The following DNAH11 variants were observed in gnomAD, a reference collection of about 807,000 sequenced individuals.
DNAH11 encodes the protein axonemal beta dynein heavy chain 11.
Under a neutral mutation model 526.0 loss-of-function variants are expected in DNAH11, and 442 were observed. The observed-to-expected ratio is 0.84, with a 90% CI of 0.78 to 0.91. The LOEUF is 0.91. Ranked by LOEUF, DNAH11 falls within the 40% of genes least tolerant of loss-of-function variation. The pLI is 0.00. For synonymous variants in DNAH11, 2,461 were observed against 1,935.9 expected (o/e 1.27, Z -7.12); for missense variants, 6,989 against 5,448.7 (o/e 1.28, Z -8.90).
chr7:21,872,179 T>C (rs1439866989), intron 73 of DNAH11, among the ~76,000 whole-genome samples: 5 of 142,314 alleles, frequency 3.5e-5, no homozygotes, highest in African/African-American at 1.3e-4. Context: ...TAGCTTCAAT[T>C]ATCTCCTTAA....
At chr7:21,827,550 A>G (rs1488608123) in intron 65 of DNAH11, among the ~76,000 whole-genome samples, 1 of 151,828 alleles carries the variant, frequency 6.6e-6, no homozygotes, top group Non-Finnish European at 1.5e-5. Context: ...TTCATTCTGT[A>G]TTTTTCATAC....
intron 69 of DNAH11, among the ~76,000 whole-genome samples, chr7:21,864,258 C>T (rs565382340): frequency 7.2e-5 from 11 of 152,156 alleles, no homozygotes; most frequent in South Asian, 6.2e-4. Context: ...ACACTTAATA[C>T]GAATGCATAT....
At position 21,766,069 on chromosome 7, in the gene DNAH11, A is replaced by G. The variant is rs916009781; in HGVS notation, c.9102+480A>G. On this transcript the variant is annotated intron_variant, in intron 55 of 81. Coordinates refer to ENST00000409508, the MANE Select transcript of DNAH11 (RefSeq NM_001277115.2). ...CAATAGTTGAAAAATCAGCCCCTGT[A>G]TCCCATAACCACTAAGTCAAATAAT... is the stretch of plus-strand genomic sequence containing the variant. Among the ~76,000 whole-genome samples the G allele has an allele frequency of 2.0e-5, 3 of 152,334 alleles. No homozygotes were observed. In the South Asian group the frequency reaches 6.2e-4, roughly 32 times the overall value.
rs1215298321 is a variant in DNAH11, at chr7:21,898,065, A to C, written c.13050-1271A>C. Among the ~76,000 whole-genome samples, 3 of 152,036 alleles carry C rather than the reference A, an allele frequency of 2.0e-5. No individual in the cohort carries two copies. In the East Asian group the frequency reaches 5.8e-4, roughly 29 times the overall value. ...TTCTTATTTGGGGTCTTCAAACTTA[A>C]TTTCCTTACTATTTCCTACCTGATC... On this transcript the variant is annotated intron_variant, in intron 79 of 81. Coordinates refer to ENST00000409508, the MANE Select transcript of DNAH11 (RefSeq NM_001277115.2).
chr7:21,567,178 G>A (rs1783705534), intron 6 of DNAH11, among the ~76,000 whole-genome samples: 1 of 152,050 alleles, frequency 6.6e-6, no homozygotes, highest in African/African-American at 2.4e-5. Context: ...TCAACTTGGA[G>A]CATTGCCATC....
chr7:21,876,868 C>T (rs904461187), intron 74 of DNAH11, among the ~76,000 whole-genome samples: 7 of 152,236 alleles, frequency 4.6e-5, no homozygotes, highest in African/African-American at 1.7e-4. Flanking sequence ...CATTGCATTA[C>T]CTAGCTGCAA....
chr7:21,628,406 G>A (rs1380330004), intron 25 of DNAH11, among the ~76,000 whole-genome samples: 2 of 152,066 alleles, frequency 1.3e-5, no homozygotes, highest in Non-Finnish European at 2.9e-5. Context: ...TCCCCATTCA[G>A]TACAATGTTA....
Position 21,697,616 on chromosome 7 carries a change from A to G in DNAH11, c.6042-459A>G, listed in dbSNP as rs539644431. 1.4e-3 allele frequency among the ~76,000 whole-genome samples: 214 copies of G among 152,262 alleles called. 2 individuals carry two copies. The highest frequency in any genetic ancestry group is 8.4e-4 in the Non-Finnish European group (57 of 68,022). On this transcript the variant is annotated intron_variant, in intron 35 of 81. Coordinates refer to ENST00000409508, the MANE Select transcript of DNAH11 (RefSeq NM_001277115.2). ...ATGGTGGTATACTTCTCAGCTCCACATTTAGTGATATTGTGTTGGTATCTT... is the reference window on the plus strand; with the variant it reads ...ATGGTGGTATACTTCTCAGCTCCACGTTTAGTGATATTGTGTTGGTATCTT...
At chr7:21,885,415 T>A (rs1412548763) in intron 76 of DNAH11, among the ~76,000 whole-genome samples, 1 of 151,600 alleles carries the variant, frequency 6.6e-6, no homozygotes, top group Non-Finnish European at 1.5e-5. Context: ...AAAGCTGATC[T>A]CCTATAAATG....
At chr7:21,877,557 C>G (rs1783761715) in intron 74 of DNAH11, among the ~76,000 whole-genome samples, 1 of 152,070 alleles carries the variant, frequency 6.6e-6, no homozygotes, top group Non-Finnish European at 1.5e-5. Context: ...TTGTAGGATA[C>G]CATCTACCTA....
chr7:21,617,256 G>A (rs868016991), intron 22 of DNAH11, among the ~76,000 whole-genome samples: 6 of 152,304 alleles, frequency 3.9e-5, no homozygotes, highest in Middle Eastern at 6.8e-3. Flanking sequence ...CATGTATTCC[G>A]AAGGAGGTCT....
Position 21,602,987 on chromosome 7 carries a change from C to T in DNAH11, c.3648+1369C>T, listed in dbSNP as rs577628077. Among the ~76,000 whole-genome samples the T allele has an allele frequency of 6.6e-5, 10 of 152,180 alleles. No individual in the cohort carries two copies. In the East Asian group the frequency reaches 1.9e-3, roughly 29 times the overall value. On this transcript the variant is annotated intron_variant, in intron 18 of 81. Coordinates refer to ENST00000409508, the MANE Select transcript of DNAH11 (RefSeq NM_001277115.2). ...ACCTCTATCTAGTTCCAGAAATTTT[C>T]ATCACTCCCAGAAATCCCATACCAC...
At chr7:21,617,464 T>C (rs1187589016) in intron 22 of DNAH11, among the ~76,000 whole-genome samples, 155 bp from the exon 23 acceptor site, 1 of 152,232 alleles carries the variant, frequency 6.6e-6, no homozygotes, top group Non-Finnish European at 1.5e-5. Flanking sequence ...TGGATCCCTT[T>C]TCGTTTCTCT....
intron 66 of DNAH11, among the ~76,000 whole-genome samples, chr7:21,848,749 A>G (rs947500124): frequency 6.6e-6 from 1 of 151,766 alleles, no homozygotes; most frequent in African/African-American, 2.4e-5. Flanking sequence ...ATTTTATATG[A>G]TTCTAGTATC....
At chr7:21,630,663 C>G (rs529045087) in intron 25 of DNAH11, among the ~76,000 whole-genome samples, 40 of 152,144 alleles carry the variant, frequency 2.6e-4, no homozygotes, top group Non-Finnish European at 1.5e-4. Context: ...TTTCTACTGG[C>G]CTGTATTCTT....
intron 28 of DNAH11, among the ~76,000 whole-genome samples, chr7:21,647,924 A>G (rs1279500624): frequency 2.0e-5 from 3 of 152,196 alleles, no homozygotes; most frequent in Admixed American, 2.0e-4. Context: ...CTTCAAGCAA[A>G]AGGAAGATGA....
chr7:21,826,833 A>G (rs572773764), intron 65 of DNAH11, among the ~76,000 whole-genome samples: 1 of 152,308 alleles, frequency 6.6e-6, no homozygotes, highest in Non-Finnish European at 1.5e-5. Context: ...TTGGCTATCA[A>G]TAGTGTTTTT....
intron 61 of DNAH11, among the ~76,000 whole-genome samples, chr7:21,789,775 T>TTCTC (rs1201555050): frequency 1.3e-5 from 1 of 77,268 alleles, no homozygotes; most frequent in Non-Finnish European, 2.8e-5. Context: ...CTTTCTTTCT[T>TTCTC]TCTTTCTTTC....
At chr7:21,893,484 G>C (rs1435852623) in intron 77 of DNAH11, among the ~76,000 whole-genome samples, 1 of 152,220 alleles carries the variant, frequency 6.6e-6, no homozygotes, top group Non-Finnish European at 1.5e-5. Context: ...TTCAGGACCT[G>C]ATAAATTGCC....
Sources: gnomAD v4.1 joint callset for allele counts (sites outside exome capture counted in the v4.1 genomes callset) on GRCh38, gnomAD v4.1.1 for gene constraint, MANE v1.5 for transcripts, NCBI Gene and HGNC (gene_info 2026-07-23, HGNC 2026-07-21) for gene names.